The following PLEKHA3 variants were observed in gnomAD, a reference collection of about 807,000 sequenced individuals.
PLEKHA3 encodes pleckstrin homology domain containing A3.
In PLEKHA3, 19 loss-of-function variants were observed where a neutral mutation model predicts 39.2. The observed-to-expected ratio is 0.48, with a 90% CI of 0.34 to 0.71. PLEKHA3 has a LOEUF of 0.71. Among genes scored for constraint, PLEKHA3 ranks in the 30% least tolerant of loss-of-function variants. PLEKHA3 has a pLI of 0.01. For missense variants in PLEKHA3, 253 were observed against 359.5 expected (o/e 0.70, Z 2.40); for synonymous variants, 97 against 118.6 (o/e 0.82, Z 1.18).
rs1359320732 is a variant in PLEKHA3, at chr2:178,515,928, T to C, written c.*12041T>C. The C allele has an allele frequency of 6.6e-6, 1 of 152,040 alleles. No homozygotes were observed. Among genetic ancestry groups the C allele is most frequent in the Non-Finnish European group, 1.5e-5 (1 of 67,964 alleles). 9.4% of individuals were successfully genotyped at this position (152,040 alleles called of 1,614,324 possible). ...AAGCATTAGAAAGTAGCATAATTGC[T>C]GTTAAAATAGTCTTTTCTTTGCGTG... On this transcript the variant is annotated 3_prime_UTR_variant, in exon 8 of 8. Coordinates refer to ENST00000234453, the MANE Select transcript of PLEKHA3 (RefSeq NM_019091.4).
rs1365410932 is a variant in PLEKHA3 at position 178,504,527 on chromosome 2, A to G, written c.*640A>G. ...GGGTTAAAGTGTTTAATTTTTATGT[A>G]TTTATTTTCTTGTTGCCTCAAAAGA... On this transcript the variant is annotated 3_prime_UTR_variant, in exon 8 of 8. Transcript: ENST00000234453. The G allele has an allele frequency of 1.3e-5, 2 of 152,334 alleles. No homozygotes were observed. The highest frequency in any genetic ancestry group is 2.9e-5 in the Non-Finnish European group (2 of 67,842). 9.4% of individuals were successfully genotyped at this position (152,334 alleles called of 1,614,324 possible). A position where few individuals can be genotyped will look rare whatever the true frequency, so the allele number is the denominator to read the frequency against.
At chr2:178,484,197 A>C (rs1251927328) in intron 1 of PLEKHA3, among the ~76,000 whole-genome samples, 1 of 152,196 alleles carries the variant, frequency 6.6e-6, no homozygotes, top group Non-Finnish European at 1.5e-5. Flanking sequence ...CTTATGTGCC[A>C]GGCACCATTC....
chr2:178,495,486 A>C lies in PLEKHA3; in HGVS notation c.451-10A>C. The C allele has an allele frequency of 6.2e-7, 1 of 1,613,676 alleles. No homozygotes were observed. The highest frequency in any genetic ancestry group is 1.1e-5 in the South Asian group (1 of 91,016). ...TGCAAATCTGTTCAAGTCTTTGTGT[A>C]ATTTTTCAGAACATGAATGAAGCCT... On this transcript the variant is annotated splice_polypyrimidine_tract_variant and intron_variant, in intron 4 of 7. Coordinates refer to ENST00000234453, the MANE Select transcript of PLEKHA3 (RefSeq NM_019091.4).
chr2:178,501,129 A>C lies in PLEKHA3; in HGVS notation c.728A>C (p.Tyr243Ser). The C allele has an allele frequency of 6.2e-7, 1 of 1,613,312 alleles. No individual in the cohort carries two copies. The highest frequency in any genetic ancestry group is 8.5e-7 in the Non-Finnish European group (1 of 1,179,404). ...HRLSQRRRRT[Y>S]SDTDSCSDIP... ...CTCTCCCAGCGACGCCGAAGAACCT[A>C]CTCAGATACAGATTCTTGTAGTGAT... Residue 243 changes from tyrosine (Y) to serine (S), a missense_variant, in exon 7 of 8, where the codon TAC becomes TCC. Tyr to Ser is a moderately radical substitution (Grantham distance 144). This residue lies in a region of PLEKHA3 where 127 missense variants were observed against 136.8 expected (regional missense o/e 0.93). Coordinates refer to ENST00000234453, the MANE Select transcript of PLEKHA3 (RefSeq NM_019091.4).
intron 1 of PLEKHA3, among the ~76,000 whole-genome samples, chr2:178,481,585 A>ACT (rs1030813510): frequency 1.1e-4 from 16 of 152,276 alleles, no homozygotes; most frequent in Non-Finnish European, 2.1e-4. Context: ...GAAATGAGAG[A>ACT]CCAGCAGGAA....
Position 178,506,132 on chromosome 2 carries a change from T to G in PLEKHA3, c.*2245T>G, listed in dbSNP as rs1445960975. On this transcript the variant is annotated 3_prime_UTR_variant, in exon 8 of 8. Coordinates refer to ENST00000234453, the MANE Select transcript of PLEKHA3 (RefSeq NM_019091.4). ...ATAACAATTCTGTAAGAATTTTAGC[T>G]TGTCAAGTTGTTCTATACTTTATAG... is the stretch of plus-strand genomic sequence containing the variant. The G allele has an allele frequency of 6.6e-6, 1 of 152,192 alleles. No individual in the cohort carries two copies. The highest frequency in any genetic ancestry group is 6.5e-5 in the Admixed American group (1 of 15,272). The allele number at this position is 152,192 out of a possible 1,614,324, so 9.4% of individuals were successfully genotyped here. A position where few individuals can be genotyped will look rare whatever the true frequency, so the allele number is the denominator to read the frequency against.
chr2:178,495,571 A>T lies in PLEKHA3; in HGVS notation c.526A>T (p.Ile176Leu). Residue 176 changes from isoleucine (I) to leucine (L), a missense_variant, in exon 5 of 8, where the codon ATA (isoleucine) becomes TTA (leucine). Ile to Leu is a conservative substitution (Grantham distance 5). Around this residue, in one of 2 missense-constraint regions of PLEKHA3, gnomAD observed 126 missense variants for 222.7 expected, o/e 0.57. Coordinates refer to ENST00000234453, the MANE Select transcript of PLEKHA3 (RefSeq NM_019091.4). ...FITTLEECVK[I>L]ANAKFKPEMF... ...CACAACGCTTGAGGAATGTGTGAAG[A>T]TAGCCAATGCCAAGTTTAAACCTGA... 6.2e-7 allele frequency: 1 copy of T among 1,614,206 alleles called. No individual in the cohort carries two copies. Among genetic ancestry groups the T allele is most frequent in the Non-Finnish European group, 8.5e-7 (1 of 1,180,038 alleles).
Position 178,511,544 on chromosome 2 carries a change from T to A in PLEKHA3, c.*7657T>A, listed in dbSNP as rs1450821326. The A allele has an allele frequency of 6.6e-6, 1 of 152,190 alleles. No homozygotes were observed. Among genetic ancestry groups the A allele is most frequent in the African/African-American group, 2.4e-5 (1 of 41,436 alleles). 9.4% of individuals were successfully genotyped at this position (152,190 alleles called of 1,614,324 possible). ...ACGCACCACCATGCCCAGCTGATGT[T>A]TTGTATTTTTACAAAAATTTTTCAC... is the stretch of plus-strand genomic sequence containing the variant. On this transcript the variant is annotated 3_prime_UTR_variant, in exon 8 of 8. Coordinates refer to ENST00000234453, the MANE Select transcript of PLEKHA3 (RefSeq NM_019091.4).
intron 6 of PLEKHA3, 35 bp from the exon 7 acceptor site, chr2:178,501,026 G>A (rs1483973671): frequency 3.0e-6 from 4 of 1,344,154 alleles, no homozygotes; most frequent in Admixed American, 1.8e-5. Context: ...TTTATGTAAG[G>A]CCTTACAATT....
In PLEKHA3 at chr2:178,516,261, A is replaced by G; in HGVS notation, c.*12374A>G. On this transcript the variant is annotated 3_prime_UTR_variant, in exon 8 of 8. Coordinates refer to ENST00000234453, the MANE Select transcript of PLEKHA3 (RefSeq NM_019091.4). ...TTGATTGCTATAACTAAACACTTTA[A>G]TTTTGAAAAAGTTTCAGAATAGAAT... 6.6e-6 allele frequency: 1 copy of G among 152,164 alleles called. No homozygotes were observed. Among genetic ancestry groups the G allele is most frequent in the Admixed American group, 6.5e-5 (1 of 15,276 alleles). The allele number at this position is 152,164 out of a possible 1,614,324, so 9.4% of individuals were successfully genotyped here.
At chr2:178,489,422 A>G (rs936755890) in intron 2 of PLEKHA3, among the ~76,000 whole-genome samples, 4 of 148,666 alleles carry the variant, frequency 2.7e-5, no homozygotes, top group South Asian at 2.2e-4. Flanking sequence ...CCATTCATGA[A>G]TATGAATTTG....
At chr2:178,489,629 C>T (rs1230919108) in intron 2 of PLEKHA3, among the ~76,000 whole-genome samples, 3 of 151,822 alleles carry the variant, frequency 2.0e-5, no homozygotes, top group Non-Finnish European at 4.4e-5. Flanking sequence ...GCTTGCACCA[C>T]TATACTGGCT....
rs1685756738 is a variant in PLEKHA3, at chr2:178,515,914, A to G, written c.*12027A>G. On this transcript the variant is annotated 3_prime_UTR_variant, in exon 8 of 8. Transcript: ENST00000234453. Reference sequence around the variant, plus strand: ...AAACATAAATAAGCAAGCATTAGAAAGTAGCATAATTGCTGTTAAAATAGT... The same window carrying G: ...AAACATAAATAAGCAAGCATTAGAAGGTAGCATAATTGCTGTTAAAATAGT... 6.6e-6 allele frequency: 1 copy of G among 152,084 alleles called. No homozygotes were observed. Among genetic ancestry groups the G allele is most frequent in the Admixed American group, 6.5e-5 (1 of 15,286 alleles). 9.4% of individuals were successfully genotyped at this position (152,084 alleles called of 1,614,324 possible).
rs3731755 is a variant in PLEKHA3, at chr2:178,481,465, G to T, written c.40+556G>T. ...GGGATTGTCATTGAAGTATCCTTAC[G>T]TTGGGGAATTCTGTTAACTGAGAAA... On this transcript the variant is annotated intron_variant, in intron 1 of 7. Coordinates refer to ENST00000234453, the MANE Select transcript of PLEKHA3 (RefSeq NM_019091.4). 6.6e-5 allele frequency among the ~76,000 whole-genome samples: 10 copies of T among 152,274 alleles called. No individual in the cohort carries two copies. In the East Asian group the frequency reaches 1.9e-3, roughly 29 times the overall value.
rs1280421137 is a variant in PLEKHA3, at chr2:178,511,616, CT to C, written c.*7730del. ...AAACTCCTAAGCTCAGGAGATCCGC[CT>C]GCCTCAGCCTTTGAAAGTGCTGGGA... On this transcript the variant is annotated 3_prime_UTR_variant, in exon 8 of 8. Coordinates refer to ENST00000234453, the MANE Select transcript of PLEKHA3 (RefSeq NM_019091.4). 1 of 152,256 alleles carries C rather than the reference CT, an allele frequency of 6.6e-6. No homozygotes were observed. The highest frequency in any genetic ancestry group is 6.5e-5 in the Admixed American group (1 of 15,282). The allele number at this position is 152,256 out of a possible 1,614,324, so 9.4% of individuals were successfully genotyped here.
At chr2:178,500,742 C>T (rs1685518006) in intron 6 of PLEKHA3, among the ~76,000 whole-genome samples, 1 of 152,020 alleles carries the variant, frequency 6.6e-6, no homozygotes, top group Non-Finnish European at 1.5e-5. Flanking sequence ...ATTCATGAAA[C>T]CTATGACTTC....
chr2:178,496,860 G>A (rs1234803590), intron 5 of PLEKHA3, among the ~76,000 whole-genome samples: 3 of 152,158 alleles, frequency 2.0e-5, no homozygotes, highest in East Asian at 1.9e-4. Flanking sequence ...ACGGTGCCTG[G>A]CTATGTTTTT....
In PLEKHA3 at chr2:178,499,256, T is replaced by C; in HGVS notation, c.659+2T>C. ...CCCTGGTTCTTGCAGTTCAGAGAGG[T>C]AAAAGAACCTTTTCTTCTGACTAAG... On this transcript the variant is annotated splice_donor_variant, in intron 6 of 7. Transcript: ENST00000234453. LOFTEE classifies it high-confidence loss of function. 1 of 1,610,980 alleles carries C rather than the reference T, an allele frequency of 6.2e-7. No homozygotes were observed.
chr2:178,480,706 C>T lies in PLEKHA3; in HGVS notation c.-164C>T. 2.2e-6 allele frequency: 1 copy of T among 453,202 alleles called. No homozygotes were observed. Among genetic ancestry groups the T allele is most frequent in the Non-Finnish European group, 3.6e-6 (1 of 281,240 alleles). The allele number at this position is 453,202 out of a possible 1,614,324, so 28.1% of individuals were successfully genotyped here. ...TCCACGCTGCGCCCGCTGTCCCGGC[C>T]TCTAAAGGCCGCCACGTCCCTGCGG... On this transcript the variant is annotated 5_prime_UTR_variant, in exon 1 of 8. Transcript: ENST00000234453.
Sources: gnomAD v4.1 joint callset for allele counts (sites outside exome capture counted in the v4.1 genomes callset) on GRCh38, gnomAD v4.1.1 for gene constraint, gnomAD v4.1.1 regional missense constraint, MANE v1.5 for transcripts, NCBI Gene and HGNC (gene_info 2026-07-23, HGNC 2026-07-21) for gene names.